The following TMEM121B variants were observed in gnomAD, a reference collection of about 807,000 sequenced individuals.
The protein encoded by TMEM121B is cat eye syndrome chromosome region, candidate 6.
A neutral mutation model predicts 25.1 loss-of-function variants in TMEM121B; 14 were observed. That is an observed-to-expected ratio of 0.56 (90% CI 0.37 to 0.87). The LOEUF is 0.87. Among genes scored for constraint, TMEM121B ranks in the 40% least tolerant of loss-of-function variants. The probability of loss-of-function intolerance (pLI) is 0.00; values close to 1 mark genes in which losing one functional copy is unlikely to be tolerated. For synonymous variants in TMEM121B, 458 were observed against 420.9 expected, an observed-to-expected ratio of 1.09 and a Z score of -1.08; for missense variants, 850 against 854.6, an observed-to-expected ratio of 0.99 and a Z score of 0.07.
At position 17,119,704 on chromosome 22, in the gene TMEM121B, C is replaced by T. The variant is rs1363009258; in HGVS notation, c.1424G>A (p.Cys475Tyr). Residue 475 changes from cysteine to tyrosine, a missense_variant, in exon 1 of 1, where the codon TGC (cysteine) becomes TAC (tyrosine). By Grantham distance (194) the Cys-to-Tyr change is radical (BLOSUM62 -2). Transcript: ENST00000331437. Reference protein sequence around the residue: ...CSRLLRLLGGCLVDVPLLALR... With the variant: ...CSRLLRLLGGYLVDVPLLALR... Reference sequence around the variant, plus strand: ...CGCCAGCAAGGGCACGTCCACCAGGCAGCCGCCCAGCAGGCGCAGAAGGCG... The same window carrying T: ...CGCCAGCAAGGGCACGTCCACCAGGTAGCCGCCCAGCAGGCGCAGAAGGCG... 2.6e-6 allele frequency: 4 copies of T among 1,542,096 alleles called. No homozygotes were observed. In the Admixed American group the frequency reaches 5.8e-5, roughly 22 times the overall value.
At position 17,117,717 on chromosome 22, in the gene TMEM121B, G is replaced by C. The variant is rs758782203; in HGVS notation, c.*1674C>G. ...CTTCTCTCCCAGCCACCTTTACAGG[G>C]AGCATCAGGACCAGGGCTTTCAAGA... On this transcript the variant is annotated 3_prime_UTR_variant, in exon 1 of 1. Transcript: ENST00000331437. 3 of 152,262 alleles carry C rather than the reference G, an allele frequency of 2.0e-5. No homozygotes were observed. Among genetic ancestry groups the C allele is most frequent in the African/African-American group, 4.8e-5 (2 of 41,446 alleles). The allele number at this position is 152,262 out of a possible 1,614,324, so 9.4% of individuals were successfully genotyped here.
Position 17,120,220 on chromosome 22 carries a change from C to G in TMEM121B, c.908G>C (p.Gly303Ala). The change falls in exon 1 of 1, where the codon GGG becomes GCG. Residue 303 changes from glycine to alanine, a missense_variant. Transcript: ENST00000331437. ...GAACTCGCCCGCTGCCGCGGCCGCC[C>G]CCAGGCCGCCCCCCGCGCCGCCGGC... ...GGAGGAGGGL[G>A]AAAAAGEFAF... 7.3e-7 allele frequency: 1 copy of G among 1,371,796 alleles called. No individual in the cohort carries two copies. Among genetic ancestry groups the G allele is most frequent in the Non-Finnish European group, 9.4e-7 (1 of 1,065,278 alleles). 85.0% of individuals were successfully genotyped at this position (1,371,796 alleles called of 1,614,324 possible).
Position 17,120,023 on chromosome 22 carries a change from C to A in TMEM121B, c.1105G>T (p.Ala369Ser). The change falls in exon 1 of 1, where the codon GCC becomes TCC. Residue 369 changes from alanine to serine, a missense_variant. Physicochemically the swap from Ala to Ser is moderately conservative, Grantham distance 99. Coordinates refer to ENST00000331437, the MANE Select transcript of TMEM121B (RefSeq NM_031890.4). ...SVPLLYSLVRAISEAGAPPGS... is the reference protein window; with the variant it reads ...SVPLLYSLVRSISEAGAPPGS... ...GGGGGCGCGCCCGCCTCGCTGATGG[C>A]CCGCACCAAGCTGTAGAGCAGGGGC... 1 of 1,608,154 alleles carries A rather than the reference C, an allele frequency of 6.2e-7. No homozygotes were observed.
In TMEM121B at chr22:17,121,206, G is replaced by A. The variant is rs1448329203; in HGVS notation, c.-79C>T. ...GGCGGGCGAGGCGGGCTAGGCGGCCGAGGGGAGCCGGGGCCCGCCGCCTCC... is the reference window on the plus strand; with the variant it reads ...GGCGGGCGAGGCGGGCTAGGCGGCCAAGGGGAGCCGGGGCCCGCCGCCTCC... On this transcript the variant is annotated 5_prime_UTR_variant, in exon 1 of 1. Coordinates refer to ENST00000331437, the MANE Select transcript of TMEM121B (RefSeq NM_031890.4). 10 of 1,232,210 alleles carry A rather than the reference G, an allele frequency of 8.1e-6. No homozygotes were observed. Among genetic ancestry groups the A allele is most frequent in the Admixed American group, 8.6e-5 (2 of 23,210 alleles). 76.3% of individuals were successfully genotyped at this position (1,232,210 alleles called of 1,614,324 possible). A position where few individuals can be genotyped will look rare whatever the true frequency, so the allele number is the denominator to read the frequency against.
Position 17,121,068 on chromosome 22 carries a change from C to G in TMEM121B, c.60G>C (p.Pro20=). Residue 20 remains proline (P), a synonymous_variant, in exon 1 of 1, where the codon CCG becomes CCC. Transcript: ENST00000331437. ...SVSSASGSFP[P]PPAAARLQPL... is the part of the protein sequence containing the mutation. ...GCTGCAGCCGGGCGGCTGCCGGGGG[C>G]GGCGGGAAGGAACCGGACGCGGAGG... 6.9e-7 allele frequency: 1 copy of G among 1,451,170 alleles called. No homozygotes were observed. The highest frequency in any genetic ancestry group is 2.4e-5 in the Admixed American group (1 of 41,906). 89.9% of individuals were successfully genotyped at this position (1,451,170 alleles called of 1,614,324 possible). A position where few individuals can be genotyped will look rare whatever the true frequency, so the allele number is the denominator to read the frequency against.
Position 17,120,969 on chromosome 22 carries a change from G to A in TMEM121B, c.159C>T (p.Ser53=). The A allele has an allele frequency of 2.8e-6, 4 of 1,427,170 alleles. No homozygotes were observed. Among genetic ancestry groups the A allele is most frequent in the East Asian group, 3.1e-5 (1 of 32,302 alleles). The allele number at this position is 1,427,170 out of a possible 1,614,324, so 88.4% of individuals were successfully genotyped here. ...CGCGTCTGCCGCCGCCTCCCCCGCGGCTGGTGCTGGTGCTGGTGCTGCTGT... is the reference window on the plus strand; with the variant it reads ...CGCGTCTGCCGCCGCCTCCCCCGCGACTGGTGCTGGTGCTGGTGCTGCTGT... The part of the protein sequence containing the change: ...SGDSSTSTST[S]RGGGGGRRGG... The change falls in exon 1 of 1, where the codon AGC becomes AGT. Residue 53 remains serine, a synonymous_variant. Transcript: ENST00000331437.
Position 17,119,573 on chromosome 22 carries a change from A to G in TMEM121B, c.1555T>C (p.Trp519Arg). 2 of 1,550,708 alleles carry G rather than the reference A, an allele frequency of 1.3e-6. No individual in the cohort carries two copies. Among genetic ancestry groups the G allele is most frequent in the Non-Finnish European group, 8.7e-7 (1 of 1,149,396 alleles). Residue 519 changes from tryptophan (W) to arginine (R), a missense_variant, in exon 1 of 1, where the codon TGG becomes CGG. Trp to Arg is a moderately radical substitution (Grantham distance 101). Coordinates refer to ENST00000331437, the MANE Select transcript of TMEM121B (RefSeq NM_031890.4). ...CRGLEALEGC[W>R]DRGNRASPSR... ...GGGGAGGCCCGATTGCCCCGGTCCC[A>G]GCAGCCCTCCAGGGCCTCCAGGCCC...
At position 17,120,498 on chromosome 22, in the gene TMEM121B, C is replaced by T; in HGVS notation, c.630G>A (p.Ala210=). 8 of 1,581,412 alleles carry T rather than the reference C, an allele frequency of 5.1e-6. No homozygotes were observed. The highest frequency in any genetic ancestry group is 5.1e-6 in the Non-Finnish European group (6 of 1,168,552). The part of the protein sequence containing the change: ...YQALSVVLLL[A]QGGLLDLYLI... ...GGTACAGGTCCAGCAGGCCGCCCTG[C>T]GCCAGCAGCAGCACCACGGACAGCG... is the stretch of plus-strand genomic sequence containing the variant. The change falls in exon 1 of 1, where the codon GCG becomes GCA. Residue 210 remains alanine (A), a synonymous_variant. Transcript: ENST00000331437.
rs989400037 is a variant in TMEM121B, at chr22:17,121,053, G to A, written c.75C>T (p.Ala25=). Residue 25 remains alanine (A), a synonymous_variant, in exon 1 of 1, where the codon GCC becomes GCT. Transcript: ENST00000331437. ...CGCGGAGGAAGAGGGGCTGCAGCCG[G>A]GCGGCTGCCGGGGGCGGCGGGAAGG... ...SGSFPPPPAA[A]RLQPLFLRGG... The A allele has an allele frequency of 4.1e-6, 6 of 1,457,818 alleles. No homozygotes were observed. The highest frequency in any genetic ancestry group is 3.0e-5 in the African/African-American group (2 of 67,738). 90.3% of individuals were successfully genotyped at this position (1,457,818 alleles called of 1,614,324 possible). A position where few individuals can be genotyped will look rare whatever the true frequency, so the allele number is the denominator to read the frequency against.
In TMEM121B at chr22:17,121,206, GAGGGGAGCCGGGGCCCGCCGCCTCCCC is replaced by G. The variant is rs1360512381; in HGVS notation, c.-106_-80del. 8.1e-7 allele frequency: 1 copy of G among 1,232,098 alleles called. No homozygotes were observed. The highest frequency in any genetic ancestry group is 3.3e-5 in the East Asian group (1 of 30,472). The allele number at this position is 1,232,098 out of a possible 1,614,324, so 76.3% of individuals were successfully genotyped here. A position where few individuals can be genotyped will look rare whatever the true frequency, so the allele number is the denominator to read the frequency against. The stretch of plus-strand genomic sequence containing the variant: ...GGCGGGCGAGGCGGGCTAGGCGGCC[GAGGGGAGCCGGGGCCCGCCGCCTCCCC>G]AGCAGTGGGGACTCGCACCTGGGCC... On this transcript the variant is annotated 5_prime_UTR_variant, in exon 1 of 1. Coordinates refer to ENST00000331437, the MANE Select transcript of TMEM121B (RefSeq NM_031890.4).
chr22:17,120,798 A>C lies in TMEM121B; in HGVS notation c.330T>G (p.Pro110=). ...TGGCCGCTGAGGAGGAGAAGGCGAC[A>C]GGCGCGGGGCCGGCGGGGGCGCCCA... ...AQVGAPAGPA[P]VAFSSSAATS... is the part of the protein sequence containing the mutation. The change falls in exon 1 of 1, where the codon CCT becomes CCG. Residue 110 remains proline, a synonymous_variant. Coordinates refer to ENST00000331437, the MANE Select transcript of TMEM121B (RefSeq NM_031890.4). 3.3e-6 allele frequency: 4 copies of C among 1,229,684 alleles called. No individual in the cohort carries two copies. The highest frequency in any genetic ancestry group is 4.1e-6 in the Non-Finnish European group (4 of 986,584). 76.2% of individuals were successfully genotyped at this position (1,229,684 alleles called of 1,614,324 possible).
In TMEM121B at chr22:17,120,291, G is replaced by A. The variant is rs754596294; in HGVS notation, c.837C>T (p.Pro279=). 2.5e-5 allele frequency: 34 copies of A among 1,358,506 alleles called. No homozygotes were observed. In the Admixed American group the frequency reaches 6.2e-4, roughly 25 times the overall value. The allele number at this position is 1,358,506 out of a possible 1,614,324, so 84.2% of individuals were successfully genotyped here. A position where few individuals can be genotyped will look rare whatever the true frequency, so the allele number is the denominator to read the frequency against. The change falls in exon 1 of 1, where the codon CCC becomes CCT. Residue 279 remains proline, a synonymous_variant. Transcript: ENST00000331437. ...HAAPPLHLPA[P]SAATAGAKAR... ...CCTTGGCCCCAGCGGTAGCGGCCGAGGGGGCGGGCAGATGCAGGGGCGGCG... is the reference window on the plus strand; with the variant it reads ...CCTTGGCCCCAGCGGTAGCGGCCGAAGGGGCGGGCAGATGCAGGGGCGGCG...
Position 17,119,274 on chromosome 22 carries a change from G to T in TMEM121B, c.*117C>A. The T allele has an allele frequency of 6.8e-7, 1 of 1,471,788 alleles. No individual in the cohort carries two copies. Among genetic ancestry groups the T allele is most frequent in the Non-Finnish European group, 9.1e-7 (1 of 1,103,000 alleles). 91.2% of individuals were successfully genotyped at this position (1,471,788 alleles called of 1,614,324 possible). Reference sequence around the variant, plus strand: ...GTGCAGAAGAACACCCTGGCCCTTAGCCCTGAAAAGGGTTACCTCTTCCAA... The same window carrying T: ...GTGCAGAAGAACACCCTGGCCCTTATCCCTGAAAAGGGTTACCTCTTCCAA... On this transcript the variant is annotated 3_prime_UTR_variant, in exon 1 of 1. Coordinates refer to ENST00000331437, the MANE Select transcript of TMEM121B (RefSeq NM_031890.4).
chr22:17,119,892 C>G lies in TMEM121B; in HGVS notation c.1236G>C (p.Leu412=). ...GCAGCGGCACGCGGCCCTCCAGCAT[C>G]AGCTCCACCAGCGTGAAGCTGTCGA... ...DLLDSFTLVE[L]MLEGRVPLPA... Residue 412 remains leucine, a synonymous_variant, in exon 1 of 1, where the codon CTG becomes CTC. Transcript: ENST00000331437. 6.4e-7 allele frequency: 1 copy of G among 1,567,046 alleles called. No homozygotes were observed. The highest frequency in any genetic ancestry group is 8.6e-7 in the Non-Finnish European group (1 of 1,163,166).
At position 17,120,233 on chromosome 22, in the gene TMEM121B, C is replaced by A. The variant is rs535463176; in HGVS notation, c.895G>T (p.Gly299Trp). ...GCCGCGGCCGCCCCCAGGCCGCCCC[C>A]CGCGCCGCCGGCGCCCCCGCGGGCT... is the stretch of plus-strand genomic sequence containing the variant. ...RGARGGAGGAGGGLGAAAAAG... is the reference protein window; with the variant it reads ...RGARGGAGGAWGGLGAAAAAG... Residue 299 changes from glycine to tryptophan, a missense_variant, in exon 1 of 1, where the codon GGG becomes TGG. By Grantham distance (184) the Gly-to-Trp change is radical. Transcript: ENST00000331437. 2.3e-6 allele frequency: 3 copies of A among 1,281,758 alleles called. No homozygotes were observed. In the Admixed American group the frequency reaches 1.2e-4, roughly 51 times the overall value. 79.4% of individuals were successfully genotyped at this position (1,281,758 alleles called of 1,614,324 possible). A position where few individuals can be genotyped will look rare whatever the true frequency, so the allele number is the denominator to read the frequency against.
Position 17,119,497 on chromosome 22 carries a change from G to A in TMEM121B, c.1631C>T (p.Pro544Leu). The change falls in exon 1 of 1, where the codon CCT becomes CTT. Residue 544 changes from proline (P) to leucine (L), a missense_variant. Physicochemically the swap from Pro to Leu is moderately conservative, Grantham distance 98. Coordinates refer to ENST00000331437, the MANE Select transcript of TMEM121B (RefSeq NM_031890.4). ...GGAGCCTCCCTGAGGTGGTGGCGGA[G>A]GTGGTGGAGGGGCGGAGGGCGGAGC... ...YGAPPSAPPP[P>L]PPPPQGGSQL... The A allele has an allele frequency of 1.9e-6, 3 of 1,592,952 alleles. No homozygotes were observed. Among genetic ancestry groups the A allele is most frequent in the South Asian group, 1.1e-5 (1 of 87,998 alleles).
chr22:17,120,210 C>T lies in TMEM121B; in HGVS notation c.918G>A (p.Ala306=). The T allele has an allele frequency of 6.7e-7, 1 of 1,481,616 alleles. No homozygotes were observed. Among genetic ancestry groups the T allele is most frequent in the Non-Finnish European group, 9.0e-7 (1 of 1,116,022 alleles). 91.8% of individuals were successfully genotyped at this position (1,481,616 alleles called of 1,614,324 possible). The change falls in exon 1 of 1, where the codon GCG becomes GCA. Residue 306 remains alanine (A), a synonymous_variant. Transcript: ENST00000331437. ...GGAGGGLGAA[A]AAGEFAFAYL... ...AGGCGAAGGCGAACTCGCCCGCTGC[C>T]GCGGCCGCCCCCAGGCCGCCCCCCG...
chr22:17,119,669 G>C lies in TMEM121B; in HGVS notation c.1459C>G (p.Leu487Val). Reference sequence around the variant, plus strand: ...GGCTGCTGGTAGCTGACCACCAGGAGGCAGCGCAGCGCCAGCAAGGGCACG... The same window carrying C: ...GGCTGCTGGTAGCTGACCACCAGGACGCAGCGCAGCGCCAGCAAGGGCACG... ...VDVPLLALRC[L>V]LVVSYQQPLS... Residue 487 changes from leucine (L) to valine (V), a missense_variant, in exon 1 of 1, where the codon CTC (leucine) becomes GTC (valine). Coordinates refer to ENST00000331437, the MANE Select transcript of TMEM121B (RefSeq NM_031890.4). 1 of 1,543,450 alleles carries C rather than the reference G, an allele frequency of 6.5e-7. No individual in the cohort carries two copies. Among genetic ancestry groups the C allele is most frequent in the Non-Finnish European group, 8.7e-7 (1 of 1,151,176 alleles).
Position 17,121,246 on chromosome 22 carries a change from T to G in TMEM121B, c.-119A>C. The G allele has an allele frequency of 1.0e-6, 1 of 971,454 alleles. No homozygotes were observed. The highest frequency in any genetic ancestry group is 1.3e-6 in the Non-Finnish European group (1 of 748,218). The allele number at this position is 971,454 out of a possible 1,614,324, so 60.2% of individuals were successfully genotyped here. On this transcript the variant is annotated 5_prime_UTR_variant, in exon 1 of 1. Coordinates refer to ENST00000331437, the MANE Select transcript of TMEM121B (RefSeq NM_031890.4). ...CCGCCGCCTCCCCAGCAGTGGGGACTCGCACCTGGGCCGGGCGGCGGCGAG... is the reference window on the plus strand; with the variant it reads ...CCGCCGCCTCCCCAGCAGTGGGGACGCGCACCTGGGCCGGGCGGCGGCGAG...
Sources: allele counts gnomAD v4.1 joint callset, GRCh38; gene constraint gnomAD v4.1.1; transcripts MANE v1.5; gene names NCBI Gene and HGNC (gene_info 2026-07-23, HGNC 2026-07-21).